The following LIMCH1 variants were observed in gnomAD, a reference collection of about 807,000 sequenced individuals.
LIMCH1 encodes the protein LIM and calponin homology domains 1.
Under a neutral mutation model 176.5 loss-of-function variants are expected in LIMCH1, and 113 were observed. The observed-to-expected ratio is 0.64, with a 90% CI of 0.55 to 0.75. The LOEUF (loss-of-function observed/expected upper bound fraction) is 0.75, where lower values mean the gene tolerates loss of function less well. Ranked by LOEUF, LIMCH1 falls within the 30% of genes least tolerant of loss-of-function variation. The pLI is 0.00. For missense variants in LIMCH1, 1,674 were observed against 1,814.9 expected (o/e 0.92, Z 1.41); for synonymous variants, 619 against 645.9 (o/e 0.96, Z 0.63).
At chr4:41,639,041 T>C in intron 14 of LIMCH1, 74 bp downstream of exon 14, 2 of 1,127,210 alleles carry the variant, frequency 1.8e-6, no homozygotes, top group Non-Finnish European at 2.5e-6. Context: ...TTACCACTAA[T>C]TGAAATGCAA....
intron 1 of LIMCH1, among the ~76,000 whole-genome samples, chr4:41,566,267 G>A (rs150183628): frequency 1.3e-5 from 2 of 152,216 alleles, no homozygotes; most frequent in Non-Finnish European, 2.9e-5. Flanking sequence ...TGGTCTTAAT[G>A]GCATCTAGCA....
chr4:41,423,883 G>C (rs1385312677), intron 1 of LIMCH1, among the ~76,000 whole-genome samples: 1 of 151,972 alleles, frequency 6.6e-6, no homozygotes, highest in Non-Finnish European at 1.5e-5. Flanking sequence ...GGTGGGTTGG[G>C]GATAACTGTG....
At chr4:41,406,986 G>A (rs1388670387) in intron 1 of LIMCH1, among the ~76,000 whole-genome samples, 1 of 152,126 alleles carries the variant, frequency 6.6e-6, no homozygotes, top group Non-Finnish European at 1.5e-5. Flanking sequence ...TGATCTCTGT[G>A]CTTCTAGGCA....
chr4:41,415,429 A>G (rs1450167566), intron 1 of LIMCH1, among the ~76,000 whole-genome samples: 1 of 152,044 alleles, frequency 6.6e-6, no homozygotes. Context: ...TTGAAGAGAA[A>G]TTTTATGGCA....
In LIMCH1 at chr4:41,543,001, A is replaced by G. The variant is rs1442407277; in HGVS notation, c.-241+4651A>G. Among the ~76,000 whole-genome samples the G allele has an allele frequency of 5.9e-5, 9 of 152,234 alleles. No homozygotes were observed. In the South Asian group the frequency reaches 1.9e-3, roughly 31 times the overall value. On this transcript the variant is annotated intron_variant, in intron 1 of 31. Transcript: ENST00000503057. ...GTTCACTTTCAAGAAATAAGCAACT[A>G]GCCTGTCTTTGTTTTCATCAGCATG...
At chr4:41,497,494 A>G (rs2072404420) in intron 2 of LIMCH1, among the ~76,000 whole-genome samples, 2 of 152,172 alleles carry the variant, frequency 1.3e-5, no homozygotes, top group East Asian at 1.9e-4. Flanking sequence ...CTTGGCTAAG[A>G]TCATACAGAT....
intron 1 of LIMCH1, among the ~76,000 whole-genome samples, chr4:41,388,810 T>G (rs1260723097): frequency 1.3e-5 from 2 of 152,080 alleles, no homozygotes; most frequent in Non-Finnish European, 2.9e-5. Flanking sequence ...GCCCAACTAA[T>G]TTTTATATTT....
At chr4:41,685,667 G>T in intron 27 of LIMCH1, 43 bp from the exon 28 acceptor site, 1 of 1,609,562 alleles carries the variant, frequency 6.2e-7, no homozygotes, top group South Asian at 1.1e-5. Flanking sequence ...GTAGTAAGGT[G>T]ATTTTACTGT....
At chr4:41,364,859 G>C (rs2052728082) in intron 1 of LIMCH1, among the ~76,000 whole-genome samples, 1 of 152,034 alleles carries the variant, frequency 6.6e-6, no homozygotes, top group Non-Finnish European at 1.5e-5. Context: ...TTCTTCCATT[G>C]ATTTTCTTTC....
At chr4:41,575,916 A>C (rs1173461467) in intron 1 of LIMCH1, among the ~76,000 whole-genome samples, 23 of 152,126 alleles carry the variant, frequency 1.5e-4, no homozygotes. Flanking sequence ...TAGAAGAATA[A>C]CCTTTTTGGA....
intron 1 of LIMCH1, among the ~76,000 whole-genome samples, chr4:41,419,709 T>G (rs7434824): frequency 0.071 from 8,191 of 115,628 alleles, 1,299 homozygotes; most frequent in African/African-American, 0.3. Flanking sequence ...CCTTCCTTCC[T>G]TCCTTCCTTC....
At chr4:41,548,017 T>C (rs185509099) in intron 1 of LIMCH1, among the ~76,000 whole-genome samples, 29 of 151,500 alleles carry the variant, frequency 1.9e-4, no homozygotes, top group Non-Finnish European at 3.7e-4. Context: ...TCCCATCTAT[T>C]AAATAGCATA....
At chr4:41,472,482 C>A (rs1412172853) in intron 1 of LIMCH1, among the ~76,000 whole-genome samples, 1 of 151,920 alleles carries the variant, frequency 6.6e-6, no homozygotes, top group Non-Finnish European at 1.5e-5. Context: ...TGCAGTGGTG[C>A]CATCACGGCT....
intron 14 of LIMCH1, 145 bp from the exon 15 acceptor site, chr4:41,644,355 C>A: frequency 8.9e-7 from 1 of 1,117,916 alleles, no homozygotes; most frequent in South Asian, 2.0e-5. Flanking sequence ...CCAGAACACA[C>A]CGCCAGTCAC....
At chr4:41,535,243 A>G (rs1357306079), upstream of LIMCH1, among the ~76,000 whole-genome samples, 1 of 151,792 alleles carries the variant, frequency 6.6e-6, no homozygotes, top group Non-Finnish European at 1.5e-5. Context: ...ATATCCATCC[A>G]ATCTTGTGCC....
intron 1 of LIMCH1, among the ~76,000 whole-genome samples, chr4:41,412,979 A>T (rs1467854998): frequency 6.6e-6 from 1 of 152,218 alleles, no homozygotes; most frequent in Non-Finnish European, 1.5e-5. Context: ...GGAGATCCTC[A>T]TAGCTAAAGG....
In LIMCH1 at chr4:41,424,921, A is replaced by T. The variant is rs562280308; in HGVS notation, c.96+63985A>T. 3.3e-5 allele frequency among the ~76,000 whole-genome samples: 5 copies of T among 152,318 alleles called. No individual in the cohort carries two copies. The South Asian group carries it at 8.3e-4, about 25-fold the overall frequency. ...CAGCAAAGAGAAAATCAGAAGGAAA[A>T]TCGTCTTTGGTCTTCCTTCTGGGTG... On this transcript the variant is annotated intron_variant, in intron 1 of 26. Transcript: ENST00000313860.
chr4:41,664,235 C>G (rs1345072090), intron 20 of LIMCH1, among the ~76,000 whole-genome samples: 1 of 152,150 alleles, frequency 6.6e-6, no homozygotes, highest in Non-Finnish European at 1.5e-5. Context: ...TTGGGTATGA[C>G]CTTAAAGTGA....
At chr4:41,390,269 A>AGAGAGAGAGAGCGAGC (rs760332127) in intron 1 of LIMCH1, among the ~76,000 whole-genome samples, 12 of 150,420 alleles carry the variant, frequency 8.0e-5, no homozygotes, top group Non-Finnish European at 1.3e-4. Flanking sequence ...AGAGAGAGAG[A>AGAGAGAGAGAGCGAGC]GAGAGCGAGA....
Sources: allele counts gnomAD v4.1 joint callset (sites outside exome capture counted in the v4.1 genomes callset), GRCh38; gene constraint gnomAD v4.1.1; transcripts MANE v1.5; gene names NCBI Gene and HGNC (gene_info 2026-07-23, HGNC 2026-07-21).